CEACAM16: variants seen among roughly 807,000 people sequenced by gnomAD.
CEACAM16 encodes the protein cell adhesion molecule CEACAM16.
A neutral mutation model predicts 39.4 loss-of-function variants in CEACAM16; 30 were observed. That is an observed-to-expected ratio of 0.76 (90% CI 0.57 to 1.03). The LOEUF is 1.03. CEACAM16 is among the 50% of genes least tolerant of loss of function. The pLI, the probability that CEACAM16 is intolerant of heterozygous loss-of-function variation, is 0.00. For missense variants in CEACAM16, 521 were observed against 585.3 expected, an observed-to-expected ratio of 0.89 and a Z score of 1.13; for synonymous variants, 262 against 264.9, an observed-to-expected ratio of 0.99 and a Z score of 0.11.
chr19:44,702,527 C>T (rs1394533991), intron 2 of CEACAM16, among the ~76,000 whole-genome samples: 2 of 152,280 alleles, frequency 1.3e-5, no homozygotes, highest in African/African-American at 2.4e-5. Context: ...AGCACTGTCA[C>T]AGCCGCCCGT....
At chr19:44,705,931 T>A in intron 5 of CEACAM16, 63 bp downstream of exon 5, 1 of 1,539,722 alleles carries the variant, frequency 6.5e-7, no homozygotes, top group East Asian at 2.3e-5. Flanking sequence ...GCTGCGAAGG[T>A]TAAGCCACCA....
At chr19:44,708,281 A>G in intron 6 of CEACAM16, 94 bp downstream of exon 6, 1 of 1,243,290 alleles carries the variant, frequency 8.0e-7, no homozygotes, top group African/African-American at 1.5e-5. Context: ...GGGGACATAG[A>G]CCAAAGATGG....
chr19:44,704,433 A>AAAGTGCACCTGGCGAGGGC, intron 4 of CEACAM16, 137 bp downstream of exon 4: 4 of 1,154,772 alleles, frequency 3.5e-6, no homozygotes, highest in African/African-American at 1.6e-5. Context: ...GACCCCTCTT[A>AAAGTGCACCTGGCGAGGGC]AAGTGCACTT....
rs764689326 is a variant in CEACAM16, at chr19:44,707,931, C to A, written c.1011C>A (p.Thr337=). 1.9e-6 allele frequency: 3 copies of A among 1,588,204 alleles called. No homozygotes were observed. Among genetic ancestry groups the A allele is most frequent in the African/African-American group, 2.7e-5 (2 of 74,470 alleles). The change falls in exon 6 of 7, where the codon ACC becomes ACA. Residue 337 remains threonine (T), a synonymous_variant. Transcript: ENST00000587331. Reference sequence around the variant, plus strand: ...CGGAGGGCCAGGACGTAACACTGACCGTGCAGGGCTACCCCAAGGACCTGC... The same window carrying A: ...CGGAGGGCCAGGACGTAACACTGACAGTGCAGGGCTACCCCAAGGACCTGC... ...KPTEGQDVTL[T]VQGYPKDLLV...
intron 5 of CEACAM16, among the ~76,000 whole-genome samples, 165 bp from the exon 6 acceptor site, chr19:44,707,696 A>G (rs1268227454): frequency 6.6e-6 from 1 of 152,228 alleles, no homozygotes; most frequent in African/African-American, 2.4e-5. Context: ...ACTGGGACCC[A>G]GAATCCACCT....
Position 44,710,686 on chromosome 19 carries a change from G to A in CEACAM16, c.*180G>A, listed in dbSNP as rs929232014. The A allele has an allele frequency of 4.1e-6, 3 of 730,374 alleles. No individual in the cohort carries two copies. The highest frequency in any genetic ancestry group is 2.9e-5 in the East Asian group (1 of 34,934). The allele number at this position is 730,374 out of a possible 1,614,324, so 45.2% of individuals were successfully genotyped here. On this transcript the variant is annotated 3_prime_UTR_variant, in exon 7 of 7. Transcript: ENST00000587331. Reference sequence around the variant, plus strand: ...CACTCCCTCGCTGAGCTGTTGGGGAGCCACCGAGGCCATAAACGTCCTGGT... The same window carrying A: ...CACTCCCTCGCTGAGCTGTTGGGGAACCACCGAGGCCATAAACGTCCTGGT...
In CEACAM16 at chr19:44,704,626, G is replaced by A. The variant is rs531518368; in HGVS notation, c.661+330G>A. ...ACATGCCTGTAGTCCCAGCCACTCA[G>A]GAGGCTGAGATGGGAGGATTCCTTG... On this transcript the variant is annotated intron_variant, in intron 4 of 6. Coordinates refer to ENST00000587331, the MANE Select transcript of CEACAM16 (RefSeq NM_001039213.4). 2.4e-3 allele frequency among the ~76,000 whole-genome samples: 361 copies of A among 152,236 alleles called. 1 individual carries two copies. Among genetic ancestry groups the A allele is most frequent in the African/African-American group, 8.2e-3 (339 of 41,530 alleles).
chr19:44,704,801 C>T (rs1393087405), intron 4 of CEACAM16, among the ~76,000 whole-genome samples: 2 of 152,006 alleles, frequency 1.3e-5, no homozygotes, highest in Admixed American at 6.5e-5. Flanking sequence ...GCCCCATATC[C>T]TAAAGGACTT....
At chr19:44,710,454 T>C (rs1464030116) in intron 6 of CEACAM16, 42 bp from the exon 7 acceptor site, 2 of 1,601,126 alleles carry the variant, frequency 1.2e-6, no homozygotes, top group Non-Finnish European at 1.7e-6. Flanking sequence ...CCTCCATCTC[T>C]CTGACATCCT....
chr19:44,705,524 C>T, intron 4 of CEACAM16, 66 bp from the exon 5 acceptor site: 1 of 1,498,250 alleles, frequency 6.7e-7, no homozygotes. Flanking sequence ...GAGAGAAAAC[C>T]AGGGGTACCA....
At position 44,707,865 on chromosome 19, in the gene CEACAM16, A is replaced by C; in HGVS notation, c.945A>C (p.Ala315=). 1 of 1,540,680 alleles carries C rather than the reference A, an allele frequency of 6.5e-7. No homozygotes were observed. The highest frequency in any genetic ancestry group is 8.8e-7 in the Non-Finnish European group (1 of 1,135,914). ...SASVVVKLSA[A]AVATMIVPVP... ...GCCCGCTCGCTCTCTCCCCAGCTGC[A>C]GCAGTTGCCACGATGATCGTGCCCG... The change falls in exon 6 of 7, where the codon GCA becomes GCC. Residue 315 remains alanine (A), a synonymous_variant. Coordinates refer to ENST00000587331, the MANE Select transcript of CEACAM16 (RefSeq NM_001039213.4).
chr19:44,701,610 A>G lies in CEACAM16; in HGVS notation c.37+117A>G. On this transcript the variant is annotated intron_variant, in intron 2 of 6. Transcript: ENST00000587331. This position sits in a 1 kb window ranked among gnomAD's most constrained non-coding sequence, Gnocchi z 4.0. ...CAGAAGTCCAGCGTGCTAGGGAGGG[A>G]GGGCAGCCCTGCTTCACACCGGCAG... 2 of 1,021,022 alleles carry G rather than the reference A, an allele frequency of 2.0e-6. No homozygotes were observed. Among genetic ancestry groups the G allele is most frequent in the Non-Finnish European group, 2.9e-6 (2 of 678,276 alleles). The allele number at this position is 1,021,022 out of a possible 1,614,324, so 63.2% of individuals were successfully genotyped here.
chr19:44,699,487 C>T (rs1461289418), intron 1 of CEACAM16: 1 of 454,048 alleles, frequency 2.2e-6, no homozygotes, highest in Admixed American at 2.6e-5. Flanking sequence ...AGCAATTCTC[C>T]TGCTTCAGCC....
At chr19:44,702,154 G>T (rs1180190739) in intron 2 of CEACAM16, among the ~76,000 whole-genome samples, 1 of 152,032 alleles carries the variant, frequency 6.6e-6, no homozygotes, top group Non-Finnish European at 1.5e-5. Flanking sequence ...TTAGCTAGGT[G>T]TGGTGGCACA....
intron 4 of CEACAM16, 127 bp from the exon 5 acceptor site, chr19:44,705,462 GC>G (rs1009961120): frequency 2.5e-5 from 23 of 902,860 alleles, no homozygotes; most frequent in Admixed American, 1.2e-4. Flanking sequence ...TAAGGCCAGA[GC>G]TTTTTTTCCC....
intron 6 of CEACAM16, among the ~76,000 whole-genome samples, chr19:44,708,610 C>G (rs1441278405): frequency 6.6e-6 from 1 of 152,218 alleles, no homozygotes; most frequent in African/African-American, 2.4e-5. Flanking sequence ...CCTCTCCTAT[C>G]AGACTGCAGG....
Position 44,705,812 on chromosome 19 carries a change from C to A in CEACAM16, c.884C>A (p.Ala295Glu). The A allele has an allele frequency of 6.2e-7, 1 of 1,613,956 alleles. No individual in the cohort carries two copies. The highest frequency in any genetic ancestry group is 8.5e-7 in the Non-Finnish European group (1 of 1,179,888). The part of the protein sequence containing the change: ...AAQEGTYTCI[A>E]KNTKTLLSGS... The stretch of plus-strand genomic sequence containing the variant: ...CAGGAGGGGACGTACACATGTATTG[C>A]GAAGAACACCAAGACCCTGCTATCT... The change falls in exon 5 of 7, where the codon GCG becomes GAG. Residue 295 changes from alanine (A) to glutamate (E), a missense_variant. Ala to Glu is a moderately radical substitution (Grantham distance 107). Coordinates refer to ENST00000587331, the MANE Select transcript of CEACAM16 (RefSeq NM_001039213.4).
intron 2 of CEACAM16, among the ~76,000 whole-genome samples, chr19:44,702,308 C>A (rs1194062993): frequency 6.6e-6 from 1 of 151,410 alleles, no homozygotes; most frequent in African/African-American, 2.4e-5. Context: ...AAAAAAACAA[C>A]CCCAAACCAC....
rs753166718 is a variant in CEACAM16, at chr19:44,703,662, C to T, written c.351C>T (p.Thr117=). Residue 117 remains threonine, a synonymous_variant, in exon 3 of 7, where the codon ACC becomes ACT. Coordinates refer to ENST00000587331, the MANE Select transcript of CEACAM16 (RefSeq NM_001039213.4). ...AGACCTTCAACAGGCAGTTGCAGAC[C>T]GAGGTGGGCTACGGACACGTGCAGG... is the stretch of plus-strand genomic sequence containing the variant. ...ILQTFNRQLQ[T]EVGYGHVQVH... 8.1e-5 allele frequency: 128 copies of T among 1,577,756 alleles called. 1 individual carries two copies. The East Asian group carries it at 2.3e-3, about 28-fold the overall frequency.
Sources: gnomAD v4.1 joint callset for allele counts (sites outside exome capture counted in the v4.1 genomes callset) on GRCh38, gnomAD v4.1.1 for gene constraint, Gnocchi (gnomAD v3.1) non-coding constraint, MANE v1.5 for transcripts, NCBI Gene and HGNC (gene_info 2026-07-23, HGNC 2026-07-21) for gene names.